Variants in C10orf90 observed in about 807,000 individuals in gnomAD.
C10orf90 encodes the protein chromosome 10 open reading frame 90.
A neutral mutation model predicts 62.5 loss-of-function variants in C10orf90; 56 were observed. That is an observed-to-expected ratio of 0.90 (90% CI 0.72 to 1.12). The LOEUF is 1.12. Among genes scored for constraint, C10orf90 ranks in the 50% most tolerant of loss-of-function variants. The probability of loss-of-function intolerance (pLI) is 0.00; values close to 1 mark genes in which losing one functional copy is unlikely to be tolerated. For synonymous variants in C10orf90, 386 were observed against 340.4 expected (o/e 1.13, Z -1.47); for missense variants, 970 against 880.4 (o/e 1.10, Z -1.29).
intron 2 of C10orf90, among the ~76,000 whole-genome samples, chr10:126,602,999 C>G (rs1845229882): frequency 6.6e-6 from 1 of 150,700 alleles, no homozygotes; most frequent in African/African-American, 2.4e-5. Context: ...GTGAGAGAGA[C>G]AGACAGAGGG....
intron 7 of C10orf90, among the ~76,000 whole-genome samples, chr10:126,430,744 T>G (rs1233938606): frequency 6.6e-6 from 1 of 152,196 alleles, no homozygotes; most frequent in Admixed American, 6.5e-5. Flanking sequence ...TTGCCAAGCA[T>G]CAGAGTTGGA....
intron 4 of C10orf90, among the ~76,000 whole-genome samples, chr10:126,490,067 TA>T: frequency 1.6e-5 from 2 of 121,490 alleles, no homozygotes; most frequent in East Asian, 4.2e-4. Flanking sequence ...ATATAATATA[TA>T]ATATATAATA....
At chr10:126,647,591 G>A (rs1846197555) in intron 1 of C10orf90, among the ~76,000 whole-genome samples, 1 of 152,202 alleles carries the variant, frequency 6.6e-6, no homozygotes, top group African/African-American at 2.4e-5. Flanking sequence ...AGAATGGGGT[G>A]GGACAAGGAC....
intron 2 of C10orf90, among the ~76,000 whole-genome samples, chr10:126,563,600 A>G (rs1258141815): frequency 1.3e-5 from 2 of 152,176 alleles, no homozygotes; most frequent in African/African-American, 4.8e-5. Context: ...CGTGAGCCCA[A>G]TCCACATTGA....
chr10:126,618,295 G>A (rs1173401946), intron 2 of C10orf90, among the ~76,000 whole-genome samples: 1 of 152,148 alleles, frequency 6.6e-6, no homozygotes, highest in African/African-American at 2.4e-5. Context: ...GTGCATCTTA[G>A]AGTCAAAAAG....
chr10:126,546,313 G>A (rs781428833), intron 2 of C10orf90, among the ~76,000 whole-genome samples: 3 of 152,146 alleles, frequency 2.0e-5, no homozygotes, highest in Non-Finnish European at 4.4e-5. Flanking sequence ...TAACTGGCAG[G>A]GTGGGGTCAG....
chr10:126,580,681 G>A (rs1359317161), intron 2 of C10orf90, among the ~76,000 whole-genome samples: 1 of 150,600 alleles, frequency 6.6e-6, no homozygotes, highest in Non-Finnish European at 1.5e-5. Flanking sequence ...ATTAAGACAA[G>A]ATGCTTATCC....
intron 2 of C10orf90, among the ~76,000 whole-genome samples, chr10:126,542,056 G>A (rs1864388186): frequency 6.6e-6 from 1 of 152,168 alleles, no homozygotes; most frequent in Non-Finnish European, 1.5e-5. Context: ...CACGAAAGAA[G>A]CCAGACACAA....
chr10:126,641,254 G>T (rs570567052), intron 2 of C10orf90, among the ~76,000 whole-genome samples: 2 of 152,060 alleles, frequency 1.3e-5, no homozygotes, highest in African/African-American at 2.4e-5. Flanking sequence ...GGTTTATTGG[G>T]GCAACTAATG....
chr10:126,431,968 C>A (rs1314480654), intron 7 of C10orf90, among the ~76,000 whole-genome samples: 9 of 152,232 alleles, frequency 5.9e-5, no homozygotes, highest in South Asian at 2.1e-4. Flanking sequence ...GCCCAGCAGC[C>A]CATGTTAGGT....
At chr10:126,653,808 G>A (rs996887059) in intron 1 of C10orf90, among the ~76,000 whole-genome samples, 1 of 152,200 alleles carries the variant, frequency 6.6e-6, no homozygotes, top group African/African-American at 2.4e-5. Flanking sequence ...ATGTATTTCT[G>A]AAATAATAAG....
At chr10:126,457,917 G>A (rs1167993767) in intron 7 of C10orf90, among the ~76,000 whole-genome samples, 1 of 152,148 alleles carries the variant, frequency 6.6e-6, no homozygotes, top group Admixed American at 6.5e-5. Flanking sequence ...TTTTCCCATG[G>A]GGAGCTCTTT....
intron 4 of C10orf90, among the ~76,000 whole-genome samples, chr10:126,496,863 C>T (rs1862089944): frequency 6.6e-6 from 1 of 152,220 alleles, no homozygotes; most frequent in Non-Finnish European, 1.5e-5. Flanking sequence ...TGAGCCATTG[C>T]TCCCTGGCTC....
At chr10:126,611,782 C>T (rs878956926) in intron 2 of C10orf90, among the ~76,000 whole-genome samples, 1 of 152,086 alleles carries the variant, frequency 6.6e-6, no homozygotes, top group Admixed American at 6.5e-5. Context: ...GAACTGCTTC[C>T]TCAGCCTCTC....
chr10:126,644,239 C>T (rs552949083), intron 2 of C10orf90, among the ~76,000 whole-genome samples: 1 of 152,354 alleles, frequency 6.6e-6, no homozygotes, highest in East Asian at 1.9e-4. Context: ...CGGCCGTAAA[C>T]CTCCATCTAC....
intron 7 of C10orf90, 34 bp downstream of exon 7, chr10:126,459,006 C>T: frequency 6.3e-7 from 1 of 1,593,924 alleles, no homozygotes; most frequent in Non-Finnish European, 8.5e-7. Flanking sequence ...CATCCCTGGT[C>T]TTTTCCAGTC....
At chr10:126,468,500 C>T (rs1860407901) in intron 4 of C10orf90, among the ~76,000 whole-genome samples, 1 of 152,120 alleles carries the variant, frequency 6.6e-6, no homozygotes, top group Non-Finnish European at 1.5e-5. Flanking sequence ...AAGAAAGTAG[C>T]AAGGGATGAA....
chr10:126,459,642 C>T (rs2134104535), intron 6 of C10orf90, among the ~76,000 whole-genome samples: 1 of 152,306 alleles, frequency 6.6e-6, no homozygotes, highest in South Asian at 2.1e-4. Flanking sequence ...CTTGGAAGCC[C>T]CAAGAAGCAC....
intron 3 of C10orf90, among the ~76,000 whole-genome samples, chr10:126,512,422 G>C (rs1358736596): frequency 1.3e-5 from 2 of 149,476 alleles, no homozygotes; most frequent in African/African-American, 4.9e-5. Flanking sequence ...CTGTGTGTGT[G>C]TGTGTGTGTT....
Sources: gnomAD v4.1 joint callset for allele counts (sites outside exome capture counted in the v4.1 genomes callset) on GRCh38, gnomAD v4.1.1 for gene constraint, MANE v1.5 for transcripts, NCBI Gene and HGNC (gene_info 2026-07-23, HGNC 2026-07-21) for gene names.